XPO5: variants seen among roughly 807,000 people sequenced by gnomAD.
The protein encoded by XPO5 is exportin 5, also known as exportin-5.
Under a neutral mutation model 160.6 loss-of-function variants are expected in XPO5, and 46 were observed. The ratio of observed to expected loss-of-function variants is 0.29; its 90% CI spans 0.23 to 0.37. The LOEUF is 0.37. Among genes scored for constraint, XPO5 ranks in the 10% least tolerant of loss-of-function variants. The pLI is 1.00. For synonymous variants in XPO5, 537 were observed against 519.3 expected, an observed-to-expected ratio of 1.03 and a Z score of -0.46; for missense variants, 1,090 against 1,463.9, an observed-to-expected ratio of 0.74 and a Z score of 4.17.
intron 11 of XPO5, among the ~76,000 whole-genome samples, chr6:43,559,275 TGACAG>T (rs1762277013): frequency 6.6e-6 from 1 of 152,038 alleles, no homozygotes; most frequent in Non-Finnish European, 1.5e-5. Context: ...CCAGCCTCGG[TGACAG>T]GGTGAGACTC....
At chr6:43,566,299 CAGG>C (rs1762690609) in intron 7 of XPO5, among the ~76,000 whole-genome samples, 1 of 151,898 alleles carries the variant, frequency 6.6e-6, no homozygotes, top group Non-Finnish European at 1.5e-5. Flanking sequence ...GAGGCTGAGG[CAGG>C]AGAATTGCTT....
intron 20 of XPO5, among the ~76,000 whole-genome samples, chr6:43,535,252 T>G (rs777022995): frequency 6.7e-6 from 1 of 150,126 alleles, no homozygotes; most frequent in Non-Finnish European, 1.5e-5. Flanking sequence ...AGAGCGAGAC[T>G]CTGTCTCAAA....
At position 43,523,895 on chromosome 6, in the gene XPO5, A is replaced by AC. The variant is rs1264028976; in HGVS notation, c.3587dup (p.Gly1197TrpfsTer7). On this transcript the variant is annotated frameshift_variant, in exon 32 of 32. Coordinates refer to ENST00000265351, the MANE Select transcript of XPO5 (RefSeq NM_020750.3). LOFTEE classifies it high-confidence loss of function. ...AGGGTTCAAAGATGGTGGCCAGGCC[A>AC]CCCCCATCATTGTCCAGCACCTCCG... 1 of 1,613,642 alleles carries AC rather than the reference A, an allele frequency of 6.2e-7. No homozygotes were observed. Among genetic ancestry groups the AC allele is most frequent in the South Asian group, 1.1e-5 (1 of 91,050 alleles).
intron 31 of XPO5, among the ~76,000 whole-genome samples, chr6:43,524,246 G>A (rs887883765): frequency 1.3e-5 from 2 of 151,986 alleles, no homozygotes; most frequent in Admixed American, 6.6e-5. Context: ...CAGCTACTTG[G>A]GAGGCTGAGG....
intron 6 of XPO5, among the ~76,000 whole-genome samples, chr6:43,568,249 G>A (rs1028716611): frequency 5.9e-5 from 9 of 152,164 alleles, no homozygotes; most frequent in Non-Finnish European, 1.2e-4. Flanking sequence ...AGAGCTTGCA[G>A]TGAGCCGAGA....
At chr6:43,539,487 T>C (rs1452450447) in intron 20 of XPO5, 3 of 1,572,610 alleles carry the variant, frequency 1.9e-6, no homozygotes, top group Admixed American at 1.7e-5. Flanking sequence ...TTGATCTTCA[T>C]GTCCTTGACC....
chr6:43,573,936 G>T (rs935957696), intron 1 of XPO5, among the ~76,000 whole-genome samples: 2 of 149,856 alleles, frequency 1.3e-5, no homozygotes, highest in Non-Finnish European at 3.0e-5. Context: ...CAGTTCTCCT[G>T]CCTCAGCCTC....
At chr6:43,552,419 T>G (rs1795274922) in intron 14 of XPO5, among the ~76,000 whole-genome samples, 1 of 147,428 alleles carries the variant, frequency 6.8e-6, no homozygotes, top group Non-Finnish European at 1.5e-5. Flanking sequence ...CTGGCGTGAT[T>G]TTGGCTCACT....
At position 43,558,493 on chromosome 6, in the gene XPO5, T is replaced by G. The variant is rs192357257; in HGVS notation, c.1312+8A>C. The G allele has an allele frequency of 2.7e-5, 43 of 1,591,594 alleles. No individual in the cohort carries two copies. In the East Asian group the frequency reaches 8.6e-4, roughly 32 times the overall value. The stretch of plus-strand genomic sequence containing the variant: ...TGTTGAGAGAAATCCAAGGCCAACA[T>G]CACTTACAGTTGAAGAAAGCATTGA... On this transcript the variant is annotated splice_region_variant and intron_variant, in intron 12 of 31. Coordinates refer to ENST00000265351, the MANE Select transcript of XPO5 (RefSeq NM_020750.3).
At chr6:43,567,886 C>A (rs1219757526) in intron 6 of XPO5, among the ~76,000 whole-genome samples, 1 of 148,728 alleles carries the variant, frequency 6.7e-6, no homozygotes, top group Non-Finnish European at 1.5e-5. Flanking sequence ...CAGTGAGCCA[C>A]GTTTGCGTCA....
At chr6:43,568,629 G>A in intron 6 of XPO5, 82 bp downstream of exon 6, 2 of 1,240,778 alleles carry the variant, frequency 1.6e-6, no homozygotes, top group African/African-American at 1.5e-5. Flanking sequence ...AAGCAAGGCT[G>A]AGGTCACCAT....
intron 8 of XPO5, 143 bp downstream of exon 8, chr6:43,565,517 A>G (rs1461887069): frequency 4.7e-6 from 3 of 632,354 alleles, no homozygotes; most frequent in African/African-American, 3.8e-5. Context: ...GTGAGCCAAG[A>G]TCGCGCCACT....
At chr6:43,526,014 G>C in intron 27 of XPO5, 93 bp from the exon 28 acceptor site, 1 of 1,429,146 alleles carries the variant, frequency 7.0e-7, no homozygotes, top group South Asian at 1.2e-5. Flanking sequence ...AAGCAAAGCT[G>C]AGTGTTCTAG....
intron 14 of XPO5, 97 bp from the exon 15 acceptor site, chr6:43,551,550 T>A: frequency 6.9e-7 from 1 of 1,449,062 alleles, no homozygotes; most frequent in Non-Finnish European, 9.5e-7. Flanking sequence ...AGAGACAGGG[T>A]CTCATTCTGT....
chr6:43,534,122 G>A, intron 20 of XPO5, 115 bp from the exon 21 acceptor site: 3 of 697,146 alleles, frequency 4.3e-6, no homozygotes, highest in Non-Finnish European at 7.1e-6. Flanking sequence ...ATCAACTCCT[G>A]GCAGGGGAAA....
chr6:43,575,394 C>T (rs1053621444), intron 1 of XPO5, among the ~76,000 whole-genome samples: 1 of 152,144 alleles, frequency 6.6e-6, no homozygotes, highest in Non-Finnish European at 1.5e-5. Flanking sequence ...GGGGCGGGAT[C>T]TACACGTGCG....
At chr6:43,549,383 A>G in intron 17 of XPO5, 106 bp downstream of exon 17, 2 of 1,157,328 alleles carry the variant, frequency 1.7e-6, no homozygotes, top group Non-Finnish European at 2.4e-6. Flanking sequence ...TATATGATGC[A>G]AAGCTATAGT....
chr6:43,533,734 C>G, intron 21 of XPO5, 173 bp downstream of exon 21: 1 of 385,894 alleles, frequency 2.6e-6, no homozygotes, highest in Admixed American at 3.8e-5. Context: ...ACTCGGGAGG[C>G]TGAGGCAGGA....
rs896113314 is a variant in XPO5 at position 43,522,906 on chromosome 6, G to C, written c.*962C>G. ...TCACAGTACAGGTTGTGATGTGAAGGCATGTATTCTTTTGGAAATGGCCTT... is the reference window on the plus strand; with the variant it reads ...TCACAGTACAGGTTGTGATGTGAAGCCATGTATTCTTTTGGAAATGGCCTT... On this transcript the variant is annotated 3_prime_UTR_variant, in exon 32 of 32. Transcript: ENST00000265351. The C allele has an allele frequency of 5.8e-6, 1 of 171,518 alleles. No homozygotes were observed. Among genetic ancestry groups the C allele is most frequent in the Non-Finnish European group, 1.4e-5 (1 of 73,678 alleles). The allele number at this position is 171,518 out of a possible 1,614,324, so 10.6% of individuals were successfully genotyped here.
Sources: allele counts gnomAD v4.1 joint callset (sites outside exome capture counted in the v4.1 genomes callset), GRCh38; gene constraint gnomAD v4.1.1; transcripts MANE v1.5; gene names NCBI Gene and HGNC (gene_info 2026-07-23, HGNC 2026-07-21).